SLC9C1: variants seen among roughly 807,000 people sequenced by gnomAD.
SLC9C1 encodes the protein solute carrier family 9 member C1.
In SLC9C1, 97 loss-of-function variants were observed where a neutral mutation model predicts 140.9. The observed-to-expected ratio is 0.69, with a 90% CI of 0.58 to 0.82. SLC9C1 has a LOEUF of 0.82. Among genes scored for constraint, SLC9C1 ranks in the 40% least tolerant of loss-of-function variants. SLC9C1 has a pLI of 0.00. For missense variants in SLC9C1, 1,340 were observed against 1,389.3 expected, an observed-to-expected ratio of 0.96 and a Z score of 0.56; for synonymous variants, 440 against 442.6, an observed-to-expected ratio of 0.99 and a Z score of 0.07.
At chr3:112,163,141 G>A (rs201174996) in intron 26 of SLC9C1, among the ~76,000 whole-genome samples, 200 of 139,490 alleles carry the variant, frequency 1.4e-3, no homozygotes, top group African/African-American at 4.9e-3. Context: ...TTTTTATTGC[G>A]TCTATTTGAT....
At chr3:112,175,439 A>G (rs2077318923) in intron 23 of SLC9C1, among the ~76,000 whole-genome samples, 1 of 152,114 alleles carries the variant, frequency 6.6e-6, no homozygotes, top group South Asian at 2.1e-4. Context: ...TCAGAGACCT[A>G]CTTAAAAATA....
At chr3:112,262,677 C>G (rs1323267761) in intron 10 of SLC9C1, among the ~76,000 whole-genome samples, 1 of 151,590 alleles carries the variant, frequency 6.6e-6, no homozygotes, top group African/African-American at 2.4e-5. Flanking sequence ...ATTGAGTGCA[C>G]CTTTTATGCC....
chr3:112,231,226 T>C (rs1369851971), intron 13 of SLC9C1, 135 bp downstream of exon 13: 1 of 958,508 alleles, frequency 1.0e-6, no homozygotes, highest in Non-Finnish European at 1.5e-6. Flanking sequence ...AGCAGATTCC[T>C]AAGACAATGT....
chr3:112,256,440 T>G (rs4420835), intron 10 of SLC9C1, among the ~76,000 whole-genome samples: 89,976 of 151,916 alleles, frequency 0.59, 27,154 homozygotes, highest in East Asian at 0.79. Context: ...AAATAAATGT[T>G]ATTGATCAGA....
In SLC9C1 at chr3:112,167,340, C is replaced by T. The variant is rs2077158760; in HGVS notation, c.3245G>A (p.Ser1082Asn). ...LIPITCHQIQ[S>N]IEDFTKVVII... ...CACTACTTTTGTGAAATCTTCAATA[C>T]TTTGTATCTGAAAGTTGACAGAATG... is the stretch of plus-strand genomic sequence containing the variant. The change falls in exon 26 of 29, where the codon AGT becomes AAT. Residue 1082 changes from serine (S) to asparagine (N), a missense_variant. Transcript: ENST00000305815. The T allele has an allele frequency of 6.3e-7, 1 of 1,588,278 alleles. No homozygotes were observed. The highest frequency in any genetic ancestry group is 8.5e-7 in the Non-Finnish European group (1 of 1,169,716).
At chr3:112,180,723 TAAA>T in intron 21 of SLC9C1, 61 bp from the exon 22 acceptor site, 1 of 1,394,972 alleles carries the variant, frequency 7.2e-7, no homozygotes, top group South Asian at 1.2e-5. Flanking sequence ...TTGGGAATGT[TAAA>T]ATTTGCATTT....
At chr3:112,290,458 A>G (rs1355260062) in intron 1 of SLC9C1, among the ~76,000 whole-genome samples, 4 of 152,128 alleles carry the variant, frequency 2.6e-5, no homozygotes, top group Non-Finnish European at 4.4e-5. Flanking sequence ...TTTGCTGACA[A>G]GTGTTCTTTG....
intron 10 of SLC9C1, among the ~76,000 whole-genome samples, chr3:112,248,296 GC>G (rs71134816): frequency 0.59 from 89,760 of 151,722 alleles, 27,059 homozygotes; most frequent in East Asian, 0.79. Context: ...CCCAATTTAT[GC>G]TTAAATGCAA....
intron 15 of SLC9C1, among the ~76,000 whole-genome samples, chr3:112,210,971 T>G (rs946867202): frequency 6.6e-6 from 1 of 152,212 alleles, no homozygotes; most frequent in Non-Finnish European, 1.5e-5. Context: ...TCTCCTTTGA[T>G]TTTTATAAAA....
At chr3:112,262,347 T>G (rs1248291462) in intron 10 of SLC9C1, among the ~76,000 whole-genome samples, 1 of 151,886 alleles carries the variant, frequency 6.6e-6, no homozygotes, top group Non-Finnish European at 1.5e-5. Flanking sequence ...TCTTGCCACT[T>G]CTCTTTTTAC....
chr3:112,229,587 C>A (rs1334488408), intron 13 of SLC9C1, among the ~76,000 whole-genome samples: 3 of 151,576 alleles, frequency 2.0e-5, no homozygotes, highest in Non-Finnish European at 4.4e-5. Context: ...GATTATCAAG[C>A]AAAAGGGTGT....
intron 8 of SLC9C1, among the ~76,000 whole-genome samples, chr3:112,265,516 C>T (rs915488920): frequency 1.2e-4 from 18 of 152,180 alleles, no homozygotes; most frequent in East Asian, 1.9e-4. Flanking sequence ...TCTTCTATAA[C>T]GTTGTCCCAA....
intron 13 of SLC9C1, among the ~76,000 whole-genome samples, chr3:112,229,835 T>C (rs2078775503): frequency 1.3e-5 from 2 of 152,200 alleles, no homozygotes; most frequent in Non-Finnish European, 2.9e-5. Context: ...GTGCTGTTAG[T>C]TGATATTTCC....
At chr3:112,215,854 A>G (rs879531059) in intron 15 of SLC9C1, among the ~76,000 whole-genome samples, 7 of 152,220 alleles carry the variant, frequency 4.6e-5, no homozygotes, top group Admixed American at 1.3e-4. Flanking sequence ...GGAAAAAACT[A>G]CTTTAAACTT....
At chr3:112,143,680 G>T (rs957899533) in intron 28 of SLC9C1, among the ~76,000 whole-genome samples, 8 of 152,134 alleles carry the variant, frequency 5.3e-5, no homozygotes, top group Admixed American at 1.3e-4. Context: ...CCATACTGTA[G>T]GTTGTCTGTT....
intron 21 of SLC9C1, among the ~76,000 whole-genome samples, chr3:112,181,234 A>G (rs1240382899): frequency 6.6e-6 from 1 of 152,214 alleles, no homozygotes; most frequent in Non-Finnish European, 1.5e-5. Context: ...ACGGATTAGA[A>G]AAGAAGTACT....
intron 13 of SLC9C1, among the ~76,000 whole-genome samples, chr3:112,229,701 C>T (rs2078771678): frequency 6.6e-6 from 1 of 151,644 alleles, no homozygotes; most frequent in Non-Finnish European, 1.5e-5. Context: ...GTGGCAGTGG[C>T]AGATTCTTTG....
chr3:112,198,795 T>G (rs2077829903), intron 20 of SLC9C1, among the ~76,000 whole-genome samples: 1 of 151,984 alleles, frequency 6.6e-6, no homozygotes, highest in Non-Finnish European at 1.5e-5. Flanking sequence ...GTATGTGTAT[T>G]TACAAGTATA....
chr3:112,193,395 C>T lies in SLC9C1; in HGVS notation c.2523+5926G>A, dbSNP rs1441989089. On this transcript the variant is annotated intron_variant, in intron 20 of 28. Coordinates refer to ENST00000305815, the MANE Select transcript of SLC9C1 (RefSeq NM_183061.3). The stretch of plus-strand genomic sequence containing the variant: ...ATGTGGGCACAAGACTGCTTAGCTA[C>T]ATTGGGGGCATATCTTTCAGCAGAG... 2.0e-5 allele frequency among the ~76,000 whole-genome samples: 3 copies of T among 152,260 alleles called. No individual in the cohort carries two copies. The East Asian group carries it at 5.8e-4, about 29-fold the overall frequency.
Sources: allele counts gnomAD v4.1 joint callset (sites outside exome capture counted in the v4.1 genomes callset), GRCh38; gene constraint gnomAD v4.1.1; transcripts MANE v1.5; gene names NCBI Gene and HGNC (gene_info 2026-07-23, HGNC 2026-07-21).